ZNF420: variants seen among roughly 807,000 people sequenced by gnomAD.
ZNF420 encodes the protein zinc finger protein 420.
In ZNF420, 31 loss-of-function variants were observed where a neutral mutation model predicts 44.7. The ratio of observed to expected loss-of-function variants is 0.69; its 90% CI spans 0.52 to 0.94. The LOEUF (loss-of-function observed/expected upper bound fraction) is 0.94, where lower values mean the gene tolerates loss of function less well. Ranked by LOEUF, ZNF420 falls within the 40% of genes least tolerant of loss-of-function variation. The pLI is 0.00. For missense variants in ZNF420, 681 were observed against 827.9 expected (o/e 0.82, Z 2.18); for synonymous variants, 245 against 267.4 (o/e 0.92, Z 0.82).
At chr19:37,096,943 G>C (rs1415814272) in intron 4 of ZNF420, among the ~76,000 whole-genome samples, 1 of 149,650 alleles carries the variant, frequency 6.7e-6, no homozygotes, top group African/African-American at 2.5e-5. Flanking sequence ...GTGTCACCCA[G>C]GCTGGAGTGC....
intron 4 of ZNF420, chr19:37,115,124 G>A (rs997887891): frequency 4.0e-5 from 7 of 175,934 alleles, no homozygotes; most frequent in Middle Eastern, 4.9e-4. Flanking sequence ...GGAATCTCTC[G>A]TTGACTTGTC....
chr19:37,043,094 C>T (rs2146413289), intron 1 of ZNF420, among the ~76,000 whole-genome samples: 1 of 152,258 alleles, frequency 6.6e-6, no homozygotes, highest in Middle Eastern at 3.4e-3. Context: ...CCTCAAAGAC[C>T]ACCTATCACA....
intron 1 of ZNF420, among the ~76,000 whole-genome samples, chr19:37,055,255 A>T (rs1054576524): frequency 2.6e-5 from 4 of 152,196 alleles, no homozygotes; most frequent in Non-Finnish European, 5.9e-5. Context: ...GTGAGGTGGC[A>T]CATGCCTGTA....
At chr19:37,025,221 G>C (rs748636271) in intron 1 of ZNF420, 23 of 366,404 alleles carry the variant, frequency 6.3e-5, no homozygotes, top group Non-Finnish European at 1.0e-4. Flanking sequence ...TACATTCATA[G>C]GTTTTCTCAG....
At chr19:37,059,319 G>A (rs1201770024) in intron 1 of ZNF420, among the ~76,000 whole-genome samples, 1 of 152,228 alleles carries the variant, frequency 6.6e-6, no homozygotes, top group Non-Finnish European at 1.5e-5. Flanking sequence ...ATTGTTTCAA[G>A]GGGCCGCAGC....
In ZNF420 at chr19:37,012,760, ATGTCTCTGTGTGTGTG is replaced by A. The variant is rs1194155292; in HGVS notation, c.-125+4682_-125+4697del. 4.2e-3 allele frequency among the ~76,000 whole-genome samples: 433 copies of A among 102,008 alleles called. 8 individuals carry two copies. The highest frequency in any genetic ancestry group is 0.015 in the African/African-American group (386 of 25,938). The allele number at this position is 102,008 out of a possible 152,430, so 66.9% of individuals were successfully genotyped here. On this transcript the variant is annotated intron_variant, in intron 1 of 4. Transcript: ENST00000587029. ...GGGTGTGCTTCTGTGCCACTGCTATATGTCTCTGTGTGTGTGTGTGTGTGTGTGTGTGTGTGTGTGT... is the reference window on the plus strand; with the variant it reads ...GGGTGTGCTTCTGTGCCACTGCTATATGTGTGTGTGTGTGTGTGTGTGTGT...
intron 1 of ZNF420, among the ~76,000 whole-genome samples, chr19:37,060,988 C>T (rs1967868336): frequency 6.6e-6 from 1 of 152,142 alleles, no homozygotes; most frequent in Admixed American, 6.5e-5. Flanking sequence ...TTTGCTCCTC[C>T]AGCAGGCATT....
intron 4 of ZNF420, among the ~76,000 whole-genome samples, chr19:37,096,356 C>T (rs1969455237): frequency 6.6e-6 from 1 of 152,084 alleles, no homozygotes; most frequent in East Asian, 1.9e-4. Flanking sequence ...TTCTTGTATC[C>T]ATGGGGACTC....
At chr19:37,122,463 TG>T (rs1599723176) in intron 4 of ZNF420, among the ~76,000 whole-genome samples, 1 of 48,354 alleles carries the variant, frequency 2.1e-5, no homozygotes, top group East Asian at 5.1e-4. Flanking sequence ...GGGACTGTTG[TG>T]GGGTGGGGGG....
chr19:37,034,398 T>G (rs1395830697), intron 1 of ZNF420, among the ~76,000 whole-genome samples: 1 of 152,234 alleles, frequency 6.6e-6, no homozygotes, highest in East Asian at 1.9e-4. Flanking sequence ...CTTTATATAT[T>G]CTGGATATCG....
chr19:37,119,110 C>T (rs1970869792), intron 4 of ZNF420, among the ~76,000 whole-genome samples: 1 of 152,088 alleles, frequency 6.6e-6, no homozygotes, highest in African/African-American at 2.4e-5. Flanking sequence ...CAGCTCTGCA[C>T]CAAGCGGACC....
rs751210572 is a variant in ZNF420, at chr19:37,128,354, A to T, written c.1363A>T (p.Thr455Ser). Residue 455 changes from threonine to serine, a missense_variant, in exon 5 of 5, where the codon ACC becomes TCC. This residue lies in a region of ZNF420 where 280 missense variants were observed against 338.6 expected (regional missense o/e 0.83). Transcript: ENST00000337995. ...CTATGAATGTAAAGAATGTGGAAAAACCTTTAGTCGTGGCTCAGAACTTAC... is the reference window on the plus strand; with the variant it reads ...CTATGAATGTAAAGAATGTGGAAAATCCTTTAGTCGTGGCTCAGAACTTAC... ...KPYECKECGKTFSRGSELTQH... is the reference protein window; with the variant it reads ...KPYECKECGKSFSRGSELTQH... 1 of 1,612,512 alleles carries T rather than the reference A, an allele frequency of 6.2e-7. No individual in the cohort carries two copies.
chr19:37,065,570 CA>C (rs1329391525), intron 1 of ZNF420, among the ~76,000 whole-genome samples: 1 of 152,236 alleles, frequency 6.6e-6, no homozygotes, highest in African/African-American at 2.4e-5. Flanking sequence ...CAAATGGAGA[CA>C]TTGGACTTAC....
At chr19:37,010,077 C>G (rs2074557106) in intron 1 of ZNF420, among the ~76,000 whole-genome samples, 1 of 152,320 alleles carries the variant, frequency 6.6e-6, no homozygotes, top group African/African-American at 2.4e-5. Flanking sequence ...ATGCGCATGC[C>G]CGAGGCGCGA....
At chr19:37,105,059 A>G (rs1401321492) in intron 4 of ZNF420, among the ~76,000 whole-genome samples, 1 of 152,196 alleles carries the variant, frequency 6.6e-6, no homozygotes. Context: ...TGTTTTAGAC[A>G]TGAAGTCCTT....
chr19:37,124,961 C>G (rs939683369), intron 4 of ZNF420, among the ~76,000 whole-genome samples: 1 of 152,150 alleles, frequency 6.6e-6, no homozygotes, highest in Non-Finnish European at 1.5e-5. Flanking sequence ...CTTAGCCTCC[C>G]GAGTAGCTGG....
chr19:37,099,784 C>T (rs1480306517), intron 4 of ZNF420, among the ~76,000 whole-genome samples: 4 of 152,154 alleles, frequency 2.6e-5, no homozygotes, highest in South Asian at 2.1e-4. Context: ...CCACCACGCC[C>T]GGCTAATTTT....
chr19:37,089,356 C>G (rs972318797), intron 3 of ZNF420, among the ~76,000 whole-genome samples: 14 of 152,120 alleles, frequency 9.2e-5, no homozygotes, highest in African/African-American at 3.4e-4. Flanking sequence ...TAATCTTTGA[C>G]TAGGAACACT....
At chr19:37,086,643 T>C (rs1968804052) in intron 2 of ZNF420, among the ~76,000 whole-genome samples, 1 of 152,238 alleles carries the variant, frequency 6.6e-6, no homozygotes, top group African/African-American at 2.4e-5. Flanking sequence ...CAATTTTTGC[T>C]TCACACATTT....
Sources: gnomAD v4.1 joint callset for allele counts (sites outside exome capture counted in the v4.1 genomes callset) on GRCh38, gnomAD v4.1.1 for gene constraint, gnomAD v4.1.1 regional missense constraint, MANE v1.5 for transcripts, NCBI Gene and HGNC (gene_info 2026-07-23, HGNC 2026-07-21) for gene names.